STAG3: variants seen among roughly 807,000 people sequenced by gnomAD.
STAG3 encodes the protein cohesin subunit SA-3.
In STAG3, 101 loss-of-function variants were observed where a neutral mutation model predicts 160.7. The ratio of observed to expected loss-of-function variants is 0.63; its 90% CI spans 0.54 to 0.74. The LOEUF (loss-of-function observed/expected upper bound fraction) is 0.74, where lower values mean the gene tolerates loss of function less well. STAG3 is among the 30% of genes least tolerant of loss of function. STAG3 has a pLI of 0.00. For missense variants in STAG3, 1,188 were observed against 1,517.4 expected (o/e 0.78, Z 3.61); for synonymous variants, 519 against 585.0 (o/e 0.89, Z 1.63).
chr7:100,198,043 G>C (rs757285764), intron 11 of STAG3, 44 bp from the exon 12 acceptor site: 46 of 1,599,994 alleles, frequency 2.9e-5, no homozygotes, highest in Non-Finnish European at 3.9e-5. Flanking sequence ...AGAATGTTTG[G>C]AATGGGTGTA....
chr7:100,182,917 T>G, intron 4 of STAG3, 78 bp downstream of exon 4: 1 of 1,531,864 alleles, frequency 6.5e-7, no homozygotes, highest in Non-Finnish European at 9.0e-7. Flanking sequence ...CAAACTTGAT[T>G]TGACGTGAAC....
At chr7:100,214,451 T>C, downstream of STAG3, 1 of 222,836 alleles carries the variant, frequency 4.5e-6, no homozygotes, top group Non-Finnish European at 9.0e-6. Context: ...CCTTGTCCCA[T>C]GGCCCAGCAT....
chr7:100,181,591 CCTT>C (rs1799647032), intron 2 of STAG3: 1 of 152,524 alleles, frequency 6.6e-6, no homozygotes, highest in Non-Finnish European at 1.5e-5. Context: ...GAAGAGTTGT[CCTT>C]CTCCTGCCTC....
chr7:100,212,009 G>T, intron 32 of STAG3, 133 bp downstream of exon 32: 1 of 758,264 alleles, frequency 1.3e-6, no homozygotes, highest in Non-Finnish European at 2.1e-6. Flanking sequence ...AGTAAAGGAG[G>T]ACAGGTTATA....
Position 100,211,424 on chromosome 7 carries a change from T to G in STAG3, c.3414-11T>G. On this transcript the variant is annotated splice_polypyrimidine_tract_variant and intron_variant, in intron 30 of 33. Coordinates refer to ENST00000615138, the MANE Select transcript of STAG3 (RefSeq NM_001282717.2). ...ATTTTTATCCCATCATTGATCCTGC[T>G]TCATTCCCAGCAGTCAGCCCGTCGC... 14 of 1,612,946 alleles carry G rather than the reference T, an allele frequency of 8.7e-6. No individual in the cohort carries two copies. The highest frequency in any genetic ancestry group is 1.1e-5 in the Non-Finnish European group (13 of 1,179,512).
chr7:100,196,235 T>C (rs1053888156), intron 9 of STAG3, among the ~76,000 whole-genome samples: 2 of 152,158 alleles, frequency 1.3e-5, no homozygotes, highest in Non-Finnish European at 2.9e-5. Flanking sequence ...CTTTTCTTAA[T>C]GTGGAATTAA....
intron 2 of STAG3, among the ~76,000 whole-genome samples, chr7:100,181,720 G>A (rs1285330955): frequency 6.6e-6 from 1 of 152,138 alleles, no homozygotes; most frequent in Non-Finnish European, 1.5e-5. Context: ...GGCCGAGGCG[G>A]GTGGATCACC....
Position 100,180,664 on chromosome 7 carries a change from C to T in STAG3, c.108C>T (p.Thr36=). Residue 36 remains threonine, a synonymous_variant, in exon 2 of 34, where the codon ACC becomes ACT. Coordinates refer to ENST00000615138, the MANE Select transcript of STAG3 (RefSeq NM_001282717.2). ...TTGATGACAGGGACTCAAACCATACCTCAGAGGGGTAAGTAGATGTTGCAT... is the reference window on the plus strand; with the variant it reads ...TTGATGACAGGGACTCAAACCATACTTCAGAGGGGTAAGTAGATGTTGCAT... ...LPFDDRDSNH[T]SEGNGDSLLA... 6.3e-7 allele frequency: 1 copy of T among 1,591,486 alleles called. No individual in the cohort carries two copies.
intron 4 of STAG3, among the ~76,000 whole-genome samples, chr7:100,183,877 T>C (rs1799805511): frequency 6.6e-6 from 1 of 152,390 alleles, no homozygotes; most frequent in South Asian, 2.1e-4. Context: ...TGGGAAAATA[T>C]TTAAAATTTT....
chr7:100,194,867 A>C (rs1800579319), intron 8 of STAG3, among the ~76,000 whole-genome samples: 1 of 152,218 alleles, frequency 6.6e-6, no homozygotes, highest in Admixed American at 6.5e-5. Flanking sequence ...AAAAGGTTTG[A>C]AATATTGTGA....
intron 32 of STAG3, chr7:100,213,291 G>A: frequency 1.0e-6 from 1 of 984,510 alleles, no homozygotes; most frequent in Non-Finnish European, 1.2e-6. Flanking sequence ...GGTTTAGGGG[G>A]ACACAGATAT....
In STAG3 at chr7:100,205,068, T is replaced by C; in HGVS notation, c.3015T>C (p.Asn1005=). 1 of 1,614,194 alleles carries C rather than the reference T, an allele frequency of 6.2e-7. No individual in the cohort carries two copies. The highest frequency in any genetic ancestry group is 8.5e-7 in the Non-Finnish European group (1 of 1,180,028). Residue 1005 remains asparagine (N), a synonymous_variant, in exon 28 of 34, where the codon AAT becomes AAC. Transcript: ENST00000615138. ...PPAGSSNQPP[N]LAFLELLSEF... ...CTGGCTCCTCCAATCAGCCTCCAAATCTGGCATTCCTGGAGCTCCTTTCAG... is the reference window on the plus strand; with the variant it reads ...CTGGCTCCTCCAATCAGCCTCCAAACCTGGCATTCCTGGAGCTCCTTTCAG...
In STAG3 at chr7:100,207,810, G is replaced by A. The variant is rs1342617340; in HGVS notation, c.3238+2426G>A. On this transcript the variant is annotated intron_variant, in intron 29 of 33. Coordinates refer to ENST00000615138, the MANE Select transcript of STAG3 (RefSeq NM_001282717.2). This position sits in a 1 kb window ranked among gnomAD's most constrained non-coding sequence, Gnocchi z 4.0. ...TGAGGTCACAAAGATTTACTCCTGTGTTTTCTTCTAAGAGTTATAGTTTTA... is the reference window on the plus strand; with the variant it reads ...TGAGGTCACAAAGATTTACTCCTGTATTTTCTTCTAAGAGTTATAGTTTTA... Among the ~76,000 whole-genome samples, 2 of 152,136 alleles carry A rather than the reference G, an allele frequency of 1.3e-5. No individual in the cohort carries two copies. Among genetic ancestry groups the A allele is most frequent in the Non-Finnish European group, 2.9e-5 (2 of 68,032 alleles).
chr7:100,182,712 A>G lies in STAG3; in HGVS notation c.220-11A>G, dbSNP rs1256274995. 1.9e-6 allele frequency: 3 copies of G among 1,611,144 alleles called. No homozygotes were observed. Among genetic ancestry groups the G allele is most frequent in the African/African-American group, 1.3e-5 (1 of 74,622 alleles). ...TTTTTTTCATATTTCTGATCTTTTT[A>G]TACATATTAGGTGGCAAAACATCCA... On this transcript the variant is annotated splice_polypyrimidine_tract_variant and intron_variant, in intron 3 of 33. Transcript: ENST00000615138.
intron 29 of STAG3, among the ~76,000 whole-genome samples, chr7:100,210,426 C>G (rs528441676): frequency 6.6e-6 from 1 of 152,240 alleles, no homozygotes; most frequent in Non-Finnish European, 1.5e-5. Flanking sequence ...CTTCTCCAAT[C>G]TCTGCAGGAG....
chr7:100,197,976 C>T, intron 11 of STAG3, 100 bp downstream of exon 11: 2 of 1,499,868 alleles, frequency 1.3e-6, no homozygotes, highest in Middle Eastern at 1.7e-4. Flanking sequence ...TCTTGGCTAT[C>T]CCAGCATCTG....
intron 23 of STAG3, 62 bp downstream of exon 23, chr7:100,202,103 A>AT: frequency 1.2e-6 from 2 of 1,610,488 alleles, no homozygotes; most frequent in Non-Finnish European, 1.7e-6. Context: ...CCAAGGAGAA[A>AT]TTGACAGTGT....
intron 32 of STAG3, chr7:100,212,839 C>T (rs1371492149): frequency 2.6e-5 from 4 of 152,114 alleles, no homozygotes; most frequent in Admixed American, 2.6e-4. Context: ...ATCAATAGTC[C>T]AGGAGTTGGA....
chr7:100,216,636 T>C (rs900568419), downstream of STAG3, among the ~76,000 whole-genome samples: 2 of 151,878 alleles, frequency 1.3e-5, no homozygotes, highest in African/African-American at 4.8e-5. Context: ...CCGTCTCTAC[T>C]AAAAATACAA....
Sources: allele counts gnomAD v4.1 joint callset (sites outside exome capture counted in the v4.1 genomes callset), GRCh38; gene constraint gnomAD v4.1.1; non-coding constraint Gnocchi (gnomAD v3.1); transcripts MANE v1.5; gene names NCBI Gene and HGNC (gene_info 2026-07-23, HGNC 2026-07-21).